The following ABCF2 variants were observed in gnomAD, a reference collection of about 807,000 sequenced individuals.
ABCF2 encodes the protein ATP-binding cassette sub-family F member 2.
Under a neutral mutation model 76.9 loss-of-function variants are expected in ABCF2, and 37 were observed. The ratio of observed to expected loss-of-function variants is 0.48; its 90% CI spans 0.37 to 0.63. The LOEUF (loss-of-function observed/expected upper bound fraction) is 0.63, where lower values mean the gene tolerates loss of function less well. ABCF2 is among the 30% of genes least tolerant of loss of function. The pLI, the probability that ABCF2 is intolerant of heterozygous loss-of-function variation, is 0.00. For missense variants in ABCF2, 524 were observed against 782.1 expected, an observed-to-expected ratio of 0.67 and a Z score of 3.94; for synonymous variants, 299 against 283.7, an observed-to-expected ratio of 1.05 and a Z score of -0.54.
Position 151,214,720 on chromosome 7 carries a change from CA to C in ABCF2, c.1734+158del, listed in dbSNP as rs1044880922. On this transcript the variant is annotated intron_variant, in intron 14 of 14. Transcript: ENST00000287844. The surrounding 1 kb of genome is among the most constrained non-coding windows in gnomAD (Gnocchi z 4.9). ...TCAGTTAAGGCTTTCTAAGTAGCCC[CA>C]AAGAGGCATAAGAACTGGTCCTCAC... Among the ~76,000 whole-genome samples, 6 of 152,130 alleles carry C rather than the reference CA, an allele frequency of 3.9e-5. 1 individual carries two copies. Among genetic ancestry groups the C allele is most frequent in the Non-Finnish European group, 8.8e-5 (6 of 68,012 alleles).
chr7:151,217,305 C>T (rs548349523), intron 11 of ABCF2, among the ~76,000 whole-genome samples: 2 of 152,192 alleles, frequency 1.3e-5, no homozygotes, highest in East Asian at 1.9e-4. Flanking sequence ...CTGACAGGTG[C>T]AGCTTTGGAA....
At chr7:151,223,347 T>C (rs1210802280) in intron 5 of ABCF2, among the ~76,000 whole-genome samples, 1 of 152,188 alleles carries the variant, frequency 6.6e-6, no homozygotes, top group East Asian at 1.9e-4. Flanking sequence ...CAGCTGGAAT[T>C]AGCAGGACTA....
rs1201338771 is a variant in ABCF2 at position 151,214,663 on chromosome 7, T to C, written c.1734+216A>G. Among the ~76,000 whole-genome samples, 1 of 152,172 alleles carries C rather than the reference T, an allele frequency of 6.6e-6. No individual in the cohort carries two copies. Among genetic ancestry groups the C allele is most frequent in the Non-Finnish European group, 1.5e-5 (1 of 68,032 alleles). On this transcript the variant is annotated intron_variant, in intron 14 of 14. Coordinates refer to ENST00000287844, the MANE Select transcript of ABCF2 (RefSeq NM_007189.3). The surrounding 1 kb of genome is among the most constrained non-coding windows in gnomAD (Gnocchi z 4.9). ...GCCCAAAATGCTAAGTTGGTTGACATCTCCAGATAGCTACTGAAGAAATGA... is the reference window on the plus strand; with the variant it reads ...GCCCAAAATGCTAAGTTGGTTGACACCTCCAGATAGCTACTGAAGAAATGA...
At chr7:151,219,849 AG>A (rs1315323225) in intron 7 of ABCF2, among the ~76,000 whole-genome samples, 1 of 152,228 alleles carries the variant, frequency 6.6e-6, no homozygotes, top group Non-Finnish European at 1.5e-5. Flanking sequence ...CTGTAATTCC[AG>A]CACTTTGGGA....
intron 11 of ABCF2, among the ~76,000 whole-genome samples, chr7:151,216,570 G>C (rs1387200054): frequency 3.9e-5 from 6 of 152,160 alleles, no homozygotes; most frequent in Non-Finnish European, 7.3e-5. Flanking sequence ...TGTTGCCCAG[G>C]CTGGAGTGCA....
Position 151,212,225 on chromosome 7 carries a change from C to G in ABCF2, c.*1829G>C. On this transcript the variant is annotated 3_prime_UTR_variant, in exon 15 of 15. Transcript: ENST00000287844. Reference sequence around the variant, plus strand: ...CCATAGGGATGGCTGATTTCAGAGGCAGAGTGATGAATCCACACCAGGAAG... The same window carrying G: ...CCATAGGGATGGCTGATTTCAGAGGGAGAGTGATGAATCCACACCAGGAAG... The G allele has an allele frequency of 6.1e-6, 6 of 985,400 alleles. No homozygotes were observed. The highest frequency in any genetic ancestry group is 7.2e-6 in the Non-Finnish European group (6 of 829,930). 61.0% of individuals were successfully genotyped at this position (985,400 alleles called of 1,614,324 possible).
rs755875409 is a variant in ABCF2 at position 151,226,462 on chromosome 7, G to C, written c.-4C>G. On this transcript the variant is annotated 5_prime_UTR_variant, in exon 2 of 15. In the 5' UTR this introduces an upstream ATG that the reference lacks. Coordinates refer to ENST00000287844, the MANE Select transcript of ABCF2 (RefSeq NM_007189.3). ...TCTTGGCCAGGTCGGAGGGCATGAT[G>C]ATGACCCACAGGGGTAGGTTACTGT... 2 of 1,613,390 alleles carry C rather than the reference G, an allele frequency of 1.2e-6. No homozygotes were observed. The highest frequency in any genetic ancestry group is 2.7e-5 in the African/African-American group (2 of 74,820).
chr7:151,215,539 C>T lies in ABCF2; in HGVS notation c.1530+65G>A. 1 of 1,598,742 alleles carries T rather than the reference C, an allele frequency of 6.3e-7. No individual in the cohort carries two copies. The highest frequency in any genetic ancestry group is 8.5e-7 in the Non-Finnish European group (1 of 1,172,654). ...AAACCCAGGCTGCCAGGACAGTATC[C>T]CCTGACCCACCCAGCCACAGTCTGC... On this transcript the variant is annotated intron_variant, in intron 13 of 14. Coordinates refer to ENST00000287844, the MANE Select transcript of ABCF2 (RefSeq NM_007189.3). The surrounding 1 kb of genome is among the most constrained non-coding windows in gnomAD (Gnocchi z 4.6).
chr7:151,221,797 A>G (rs921522150), intron 6 of ABCF2, 117 bp from the exon 7 acceptor site: 16 of 744,890 alleles, frequency 2.1e-5, no homozygotes, highest in South Asian at 1.6e-4. Flanking sequence ...GTGTTGTCCA[A>G]TTCCTGGCTG....
rs1802053073 is a variant in ABCF2, at chr7:151,211,986, G to A, written c.*2068C>T. ...AGAGCACACCAATTCCACCTTTCTGGGCAGCTACTCACAAGAAATTTCCCT... is the reference window on the plus strand; with the variant it reads ...AGAGCACACCAATTCCACCTTTCTGAGCAGCTACTCACAAGAAATTTCCCT... On this transcript the variant is annotated 3_prime_UTR_variant, in exon 15 of 15. Transcript: ENST00000287844. 1.0e-6 allele frequency: 1 copy of A among 976,798 alleles called. No individual in the cohort carries two copies. The highest frequency in any genetic ancestry group is 1.2e-6 in the Non-Finnish European group (1 of 822,158). The allele number at this position is 976,798 out of a possible 1,614,324, so 60.5% of individuals were successfully genotyped here. A position where few individuals can be genotyped will look rare whatever the true frequency, so the allele number is the denominator to read the frequency against.
chr7:151,219,243 G>A, intron 7 of ABCF2, 84 bp from the exon 8 acceptor site: 1 of 1,192,790 alleles, frequency 8.4e-7, no homozygotes, highest in Non-Finnish European at 1.2e-6. Context: ...AGGGGGATGA[G>A]GGATGGCACT....
In ABCF2 at chr7:151,213,616, G is replaced by A; in HGVS notation, c.*438C>T. 1 of 994,742 alleles carries A rather than the reference G, an allele frequency of 1.0e-6. No individual in the cohort carries two copies. Among genetic ancestry groups the A allele is most frequent in the Non-Finnish European group, 1.2e-6 (1 of 836,798 alleles). The allele number at this position is 994,742 out of a possible 1,614,324, so 61.6% of individuals were successfully genotyped here. On this transcript the variant is annotated 3_prime_UTR_variant, in exon 15 of 15. Transcript: ENST00000287844. ...TGACCAGGACGAAGGTCCTGGTCCG[G>A]AGCTCCAAACCAGAAGCAAAAAGGA...
In ABCF2 at chr7:151,211,721, C is replaced by T; in HGVS notation, c.*2333G>A. ...CACTGTCCCCATTATCCCAGCAGCC[C>T]ACTCTCCAGATGCCATTCTCCCCTG... On this transcript the variant is annotated 3_prime_UTR_variant, in exon 15 of 15. Coordinates refer to ENST00000287844, the MANE Select transcript of ABCF2 (RefSeq NM_007189.3). 1.0e-6 allele frequency: 1 copy of T among 985,376 alleles called. No homozygotes were observed. Among genetic ancestry groups the T allele is most frequent in the Non-Finnish European group, 1.2e-6 (1 of 829,932 alleles). 61.0% of individuals were successfully genotyped at this position (985,376 alleles called of 1,614,324 possible).
chr7:151,221,454 G>A (rs1046846877), intron 7 of ABCF2, 124 bp downstream of exon 7: 4 of 628,262 alleles, frequency 6.4e-6, no homozygotes, highest in Admixed American at 2.6e-5. Context: ...CACCCACCTC[G>A]GCCTCCCAAA....
In ABCF2 at chr7:151,223,775, A is replaced by AGGCCC; in HGVS notation, c.620_624dup (p.Ser209GlyfsTer20). The AGGCCC allele has an allele frequency of 6.2e-7, 1 of 1,613,948 alleles. No individual in the cohort carries two copies. The highest frequency in any genetic ancestry group is 8.5e-7 in the Non-Finnish European group (1 of 1,179,916). Reference sequence around the variant, plus strand: ...AAACCCAGTCCATGCAAGATCCGCGAGGCCCTCATCTCTGCCTTGTCGGCA... The same window carrying AGGCCC: ...AAACCCAGTCCATGCAAGATCCGCGAGGCCCGGCCCTCATCTCTGCCTTGTCGGCA... On this transcript the variant is annotated frameshift_variant, in exon 5 of 15. Transcript: ENST00000287844.
Position 151,218,658 on chromosome 7 carries a change from G to A in ABCF2, c.1138-8C>T, listed in dbSNP as rs1450561186. ...GAAATAAAATGACAGTGTCTAGGAA[G>A]AAAAGAGGGCATTTATCAAGTTGGC... On this transcript the variant is annotated splice_region_variant and splice_polypyrimidine_tract_variant and intron_variant, in intron 9 of 14. Coordinates refer to ENST00000287844, the MANE Select transcript of ABCF2 (RefSeq NM_007189.3). 6.2e-7 allele frequency: 1 copy of A among 1,614,026 alleles called. No individual in the cohort carries two copies. The highest frequency in any genetic ancestry group is 1.7e-5 in the Admixed American group (1 of 60,008).
rs542529465 is a variant in ABCF2 at position 151,212,949 on chromosome 7, A to C, written c.*1105T>G. ...GAGCAGGTGGGATTCCAGGCACATA[A>C]AGACGGGTTTTGCCATGTTTCCCAA... On this transcript the variant is annotated 3_prime_UTR_variant, in exon 15 of 15. Coordinates refer to ENST00000287844, the MANE Select transcript of ABCF2 (RefSeq NM_007189.3). 3.3e-5 allele frequency: 15 copies of C among 456,428 alleles called. No individual in the cohort carries two copies. The highest frequency in any genetic ancestry group is 3.2e-4 in the African/African-American group (15 of 46,922). 28.3% of individuals were successfully genotyped at this position (456,428 alleles called of 1,614,324 possible). A position where few individuals can be genotyped will look rare whatever the true frequency, so the allele number is the denominator to read the frequency against.
At chr7:151,226,255 A>G (rs776720505) in intron 2 of ABCF2, 50 bp downstream of exon 2, 1 of 1,575,268 alleles carries the variant, frequency 6.3e-7, no homozygotes, top group Non-Finnish European at 8.6e-7. Context: ...TGGCTGGGGC[A>G]TGCATTAAGT....
Position 151,212,514 on chromosome 7 carries a change from T to C in ABCF2, c.*1540A>G. 1 of 985,194 alleles carries C rather than the reference T, an allele frequency of 1.0e-6. No homozygotes were observed. Among genetic ancestry groups the C allele is most frequent in the Non-Finnish European group, 1.2e-6 (1 of 829,676 alleles). 61.0% of individuals were successfully genotyped at this position (985,194 alleles called of 1,614,324 possible). A position where few individuals can be genotyped will look rare whatever the true frequency, so the allele number is the denominator to read the frequency against. ...CTCAGCAATCTGAATTTTTTTATTTTTTTGAGACAGTGTCTCGGTCTGTCA... is the reference window on the plus strand; with the variant it reads ...CTCAGCAATCTGAATTTTTTTATTTCTTTGAGACAGTGTCTCGGTCTGTCA... On this transcript the variant is annotated 3_prime_UTR_variant, in exon 15 of 15. Coordinates refer to ENST00000287844, the MANE Select transcript of ABCF2 (RefSeq NM_007189.3).
Sources: allele counts gnomAD v4.1 joint callset (sites outside exome capture counted in the v4.1 genomes callset), GRCh38; gene constraint gnomAD v4.1.1; non-coding constraint Gnocchi (gnomAD v3.1); transcripts MANE v1.5; gene names NCBI Gene and HGNC (gene_info 2026-07-23, HGNC 2026-07-21).